DDX55: variants seen among roughly 807,000 people sequenced by gnomAD.
DDX55 encodes DEAD-box helicase 55.
DDX55 carries 56 observed loss-of-function variants against 69.2 expected under a neutral mutation model. That is an observed-to-expected ratio of 0.81 (90% CI 0.65 to 1.01). DDX55 has a LOEUF of 1.01. Among genes scored for constraint, DDX55 ranks in the 50% least tolerant of loss-of-function variants. The probability of loss-of-function intolerance (pLI) is 0.00; values close to 1 mark genes in which losing one functional copy is unlikely to be tolerated. For synonymous variants in DDX55, 268 were observed against 273.1 expected (o/e 0.98, Z 0.18); for missense variants, 720 against 745.1 (o/e 0.97, Z 0.39).
At chr12:123,611,520 C>T (rs1377283250) in intron 7 of DDX55, among the ~76,000 whole-genome samples, 1 of 152,186 alleles carries the variant, frequency 6.6e-6, no homozygotes, top group African/African-American at 2.4e-5. Context: ...TTCGTTAGGC[C>T]TGGAGGGGTT....
chr12:123,602,176 G>A lies in DDX55; in HGVS notation c.28G>A (p.Glu10Lys). 1 of 1,564,686 alleles carries A rather than the reference G, an allele frequency of 6.4e-7. No individual in the cohort carries two copies. The highest frequency in any genetic ancestry group is 8.6e-7 in the Non-Finnish European group (1 of 1,156,850). Residue 10 changes from glutamate (E) to lysine (K), a missense_variant, in exon 1 of 14, where the codon GAG becomes AAG. By Grantham distance (56) the Glu-to-Lys change is moderately conservative (BLOSUM62 1). Transcript: ENST00000238146. The part of the protein sequence containing the change: MEHVTEGSW[E>K]SLPVPLHPQV... Reference sequence around the variant, plus strand: ...GGAGCATGTGACAGAGGGCTCCTGGGAGTCGCTGCCTGTGCCGCTGCACCC... The same window carrying A: ...GGAGCATGTGACAGAGGGCTCCTGGAAGTCGCTGCCTGTGCCGCTGCACCC...
intron 9 of DDX55, among the ~76,000 whole-genome samples, chr12:123,616,111 G>A (rs956834499): frequency 6.6e-6 from 1 of 152,176 alleles, no homozygotes; most frequent in African/African-American, 2.4e-5. Flanking sequence ...ACAAATAATA[G>A]TTTTCTGTTT....
At chr12:123,605,461 C>A in intron 1 of DDX55, 1 of 255,048 alleles carries the variant, frequency 3.9e-6, no homozygotes. Flanking sequence ...GAGCTCAGGC[C>A]CTGGGGACCA....
At chr12:123,618,281 G>C (rs1280440781) in intron 11 of DDX55, 2 of 489,448 alleles carry the variant, frequency 4.1e-6, no homozygotes, top group African/African-American at 3.9e-5. Context: ...CAAAGTGCTG[G>C]GATGACAGGC....
intron 1 of DDX55, among the ~76,000 whole-genome samples, chr12:123,603,392 C>CCTT (rs1953684686): frequency 7.8e-6 from 1 of 128,572 alleles, no homozygotes; most frequent in East Asian, 2.3e-4. Flanking sequence ...GGTTTTTATT[C>CCTT]TTTTTTTTTT....
At chr12:123,608,530 C>T (rs556807464) in intron 5 of DDX55, 150 bp from the exon 6 acceptor site, 1 of 903,910 alleles carries the variant, frequency 1.1e-6, no homozygotes, top group African/African-American at 1.7e-5. Flanking sequence ...AGTCTTTCTA[C>T]CCTGCAGCAC....
At chr12:123,617,914 G>A in intron 11 of DDX55, 42 bp downstream of exon 11, 4 of 1,566,342 alleles carry the variant, frequency 2.6e-6, no homozygotes, top group Non-Finnish European at 3.5e-6. Flanking sequence ...CTAGTGACGG[G>A]GTAGCTGGAA....
intron 1 of DDX55, 91 bp downstream of exon 1, chr12:123,602,347 G>A: frequency 1.7e-6 from 2 of 1,200,004 alleles, no homozygotes; most frequent in East Asian, 2.9e-5. Context: ...ACAGATCTGA[G>A]CCCTGGGGCG....
chr12:123,619,608 A>T lies in DDX55; in HGVS notation c.1510A>T (p.Arg504Ter). ...QRQKLLEQQR[R>*]EKTENEGRRK... Reference sequence around the variant, plus strand: ...GCAGAAACTCCTGGAGCAACAAAGAAGAGAGAAAACAGAAAATGAAGGGAG... The same window carrying T: ...GCAGAAACTCCTGGAGCAACAAAGATGAGAGAAAACAGAAAATGAAGGGAG... Residue 504 changes from arginine (R) to a stop codon, truncating the protein, a stop_gained, in exon 13 of 14, where the codon AGA becomes TGA. Transcript: ENST00000238146. LOFTEE classifies it high-confidence loss of function. 6.2e-7 allele frequency: 1 copy of T among 1,613,990 alleles called. No individual in the cohort carries two copies. Among genetic ancestry groups the T allele is most frequent in the Non-Finnish European group, 8.5e-7 (1 of 1,180,004 alleles).
Position 123,610,000 on chromosome 12 carries a change from C to G in DDX55, c.613C>G (p.Gln205Glu), listed in dbSNP as rs1246175767. 1.2e-6 allele frequency: 2 copies of G among 1,614,074 alleles called. No individual in the cohort carries two copies. Among genetic ancestry groups the G allele is most frequent in the East Asian group, 2.2e-5 (1 of 44,890 alleles). ...QRRTGLFSAT[Q>E]TQEVENLVRA... The stretch of plus-strand genomic sequence containing the variant: ...GAGAACAGGCCTTTTCTCTGCCACT[C>G]AGACGCAGGAAGTGGAGAACCTGGT... Residue 205 changes from glutamine (Q) to glutamate (E), a missense_variant, in exon 7 of 14, where the codon CAG (glutamine) becomes GAG (glutamate). By Grantham distance (29) the Gln-to-Glu change is conservative. Transcript: ENST00000238146.
intron 12 of DDX55, 72 bp from the exon 13 acceptor site, chr12:123,619,360 T>A: frequency 6.6e-7 from 1 of 1,520,344 alleles, no homozygotes; most frequent in Non-Finnish European, 8.8e-7. Flanking sequence ...TAGAAAAAAA[T>A]TATATTGTAA....
chr12:123,607,559 T>G (rs1953968956), intron 4 of DDX55, 36 bp downstream of exon 4: 2 of 1,614,112 alleles, frequency 1.2e-6, no homozygotes, highest in African/African-American at 2.7e-5. Context: ...AGTCATGGGC[T>G]GTTTTGTCGA....
At chr12:123,608,149 C>A (rs2135701049) in intron 5 of DDX55, 4 of 188,242 alleles carry the variant, frequency 2.1e-5, no homozygotes, top group Non-Finnish European at 4.5e-5. Flanking sequence ...GGCCCTGAGT[C>A]TGCCAGTTTG....
At position 123,620,132 on chromosome 12, in the gene DDX55, G is replaced by A. The variant is rs775178907; in HGVS notation, c.1795G>A (p.Asp599Asn). Residue 599 changes from aspartate (D) to asparagine (N), a missense_variant, in exon 14 of 14, where the codon GAC (aspartate) becomes AAC (asparagine). Transcript: ENST00000238146. ...TTTAGGGATCTCAGATTTGGAAGAT[G>A]ACTGCTGATTCCAGTGCCACAGATG... ...VDLGISDLED[D>N]C The A allele has an allele frequency of 8.1e-6, 13 of 1,613,586 alleles. No individual in the cohort carries two copies. The Admixed American group carries it at 2.2e-4, about 27-fold the overall frequency.
chr12:123,607,321 C>T, intron 3 of DDX55, 111 bp from the exon 4 acceptor site: 2 of 1,160,374 alleles, frequency 1.7e-6, no homozygotes, highest in Non-Finnish European at 2.5e-6. Context: ...AGTCTGGGAA[C>T]TACTGTTTCT....
Position 123,620,532 on chromosome 12 carries a change from A to AGATGTCAGTATTTATC in DDX55, c.*393_*408dup, listed in dbSNP as rs1171184913. ...GTAAAATTATTTGAGTGTAAATAAT[A>AGATGTCAGTATTTATC]GATGTCAGTATTTATCATGATGGGT... On this transcript the variant is annotated 3_prime_UTR_variant, in exon 14 of 14. Transcript: ENST00000238146. 1 of 150,460 alleles carries AGATGTCAGTATTTATC rather than the reference A, an allele frequency of 6.6e-6. No individual in the cohort carries two copies. Among genetic ancestry groups the AGATGTCAGTATTTATC allele is most frequent in the Non-Finnish European group, 1.4e-5 (1 of 69,338 alleles). The allele number at this position is 150,460 out of a possible 1,614,324, so 9.3% of individuals were successfully genotyped here. A position where few individuals can be genotyped will look rare whatever the true frequency, so the allele number is the denominator to read the frequency against.
rs758798320 is a variant in DDX55, at chr12:123,615,251, G to A, written c.891G>A (p.Met297Ile). ...LEVLVKGVKI[M>I]CIHGKMKYKR... ...TGCTGGTGAAGGGCGTGAAGATTAT[G>A]TGCATTCACGGAAAGATGAAATATA... Residue 297 changes from methionine to isoleucine, a missense_variant, in exon 9 of 14, where the codon ATG (methionine) becomes ATA (isoleucine). Coordinates refer to ENST00000238146, the MANE Select transcript of DDX55 (RefSeq NM_020936.3). 25 of 1,614,126 alleles carry A rather than the reference G, an allele frequency of 1.5e-5. No individual in the cohort carries two copies. Among genetic ancestry groups the A allele is most frequent in the Non-Finnish European group, 2.1e-5 (25 of 1,179,990 alleles).
chr12:123,607,753 C>G, intron 5 of DDX55, 91 bp downstream of exon 5: 1 of 1,571,502 alleles, frequency 6.4e-7, no homozygotes. Context: ...TGTGGGTCCC[C>G]CTTTCAGCAG....
intron 3 of DDX55, among the ~76,000 whole-genome samples, chr12:123,607,042 G>A (rs1327326727): frequency 1.3e-5 from 2 of 152,156 alleles, no homozygotes; most frequent in Admixed American, 1.3e-4. Context: ...TGTTGGCCAC[G>A]AGTTCAATGA....
Sources: allele counts gnomAD v4.1 joint callset (sites outside exome capture counted in the v4.1 genomes callset), GRCh38; gene constraint gnomAD v4.1.1; transcripts MANE v1.5; gene names NCBI Gene and HGNC (gene_info 2026-07-23, HGNC 2026-07-21).